CYP2R1: variants seen among roughly 807,000 people sequenced by gnomAD.
The protein encoded by CYP2R1 is vitamin D 25-hydroxylase.
In CYP2R1, 40 loss-of-function variants were observed where a neutral mutation model predicts 45.7. That is an observed-to-expected ratio of 0.87 (90% CI 0.68 to 1.14). The LOEUF is 1.14. Ranked by LOEUF, CYP2R1 falls within the 50% of genes most tolerant of loss-of-function variation. The pLI is 0.00. For synonymous variants in CYP2R1, 234 were observed against 219.3 expected, an observed-to-expected ratio of 1.07 and a Z score of -0.59; for missense variants, 605 against 602.6, an observed-to-expected ratio of 1.00 and a Z score of -0.04.
In CYP2R1 at chr11:14,880,591, A is replaced by G. The variant is rs782328761; in HGVS notation, c.545T>C (p.Leu182Ser). 6.2e-7 allele frequency: 1 copy of G among 1,613,148 alleles called. No homozygotes were observed. The highest frequency in any genetic ancestry group is 8.5e-7 in the Non-Finnish European group (1 of 1,179,480). The change falls in exon 3 of 5, where the codon TTA becomes TCA. Residue 182 changes from leucine to serine, a missense_variant. Leu to Ser is a moderately radical substitution (Grantham distance 145). Transcript: ENST00000334636. ...TATGTTTGAAACAGCATTCGTTATT[A>G]ACTGTTTAAAGTCAAAAGGTCTACC... is the stretch of plus-strand genomic sequence containing the variant. ...YKGRPFDFKQ[L>S]ITNAVSNITN... is the part of the protein sequence containing the mutation.
chr11:14,888,846 T>G (rs1848717710), intron 1 of CYP2R1, among the ~76,000 whole-genome samples: 1 of 152,210 alleles, frequency 6.6e-6, no homozygotes. Flanking sequence ...GGAATTATTT[T>G]ATTGTCCTGA....
chr11:14,891,837 G>A (rs1848870086), intron 1 of CYP2R1, 144 bp downstream of exon 1: 42 of 1,416,974 alleles, frequency 3.0e-5, no homozygotes, highest in Non-Finnish European at 3.9e-5. Flanking sequence ...GACCCGGGAA[G>A]CGGGTGTCCC....
chr11:14,880,426 A>C lies in CYP2R1; in HGVS notation c.710T>G (p.Ile237Ser). The change falls in exon 3 of 5, where the codon ATC becomes AGC. Residue 237 changes from isoleucine to serine, a missense_variant. Transcript: ENST00000334636. ...FLYNAFPWIGILPFGKHQQLF... is the reference protein window; with the variant it reads ...FLYNAFPWIGSLPFGKHQQLF... Reference sequence around the variant, plus strand: ...CTGTTGATGTTTTCCAAAAGGCAGGATGCCAATCCATGGAAAGGCATTATA... The same window carrying C: ...CTGTTGATGTTTTCCAAAAGGCAGGCTGCCAATCCATGGAAAGGCATTATA... 4 of 1,613,432 alleles carry C rather than the reference A, an allele frequency of 2.5e-6. No individual in the cohort carries two copies. Among genetic ancestry groups the C allele is most frequent in the Non-Finnish European group, 3.4e-6 (4 of 1,179,672 alleles).
Position 14,880,504 on chromosome 11 carries a change from A to G in CYP2R1, c.632T>C (p.Ile211Thr). ...TYEDTDFQHM[I>T]ELFSENVELA... ...TTCCACATTTTCACTAAATAACTCA[A>G]TCATGTGCTGAAAATCGGTGTCTTC... The change falls in exon 3 of 5, where the codon ATT becomes ACT. Residue 211 changes from isoleucine (I) to threonine (T), a missense_variant. Ile to Thr is a moderately conservative substitution (Grantham distance 89, BLOSUM62 -1). Transcript: ENST00000334636. 2.5e-6 allele frequency: 4 copies of G among 1,613,564 alleles called. No individual in the cohort carries two copies. Among genetic ancestry groups the G allele is most frequent in the South Asian group, 1.1e-5 (1 of 91,066 alleles).
At position 14,892,175 on chromosome 11, in the gene CYP2R1, C is replaced by T; in HGVS notation, c.31G>A (p.Ala11Thr). The change falls in exon 1 of 5, where the codon GCG (alanine) becomes ACG (threonine). Residue 11 changes from alanine to threonine, a missense_variant. Coordinates refer to ENST00000334636, the MANE Select transcript of CYP2R1 (RefSeq NM_024514.5). MWKLWRAEEG[A>T]AALGGALFLL... ...AAGAGCGCGCCGCCGAGCGCCGCCGCGCCCTCTTCAGCTCTCCAAAGCTTC... is the reference window on the plus strand; with the variant it reads ...AAGAGCGCGCCGCCGAGCGCCGCCGTGCCCTCTTCAGCTCTCCAAAGCTTC... 1 of 1,610,742 alleles carries T rather than the reference C, an allele frequency of 6.2e-7. No homozygotes were observed. Among genetic ancestry groups the T allele is most frequent in the African/African-American group, 1.3e-5 (1 of 75,008 alleles).
intron 2 of CYP2R1, among the ~76,000 whole-genome samples, chr11:14,883,358 A>G (rs1848469831): frequency 1.3e-5 from 2 of 152,192 alleles, no homozygotes; most frequent in South Asian, 4.1e-4. Flanking sequence ...GGAACAGAAC[A>G]GAGCCCTCAG....
chr11:14,888,542 C>A (rs1170568411), intron 1 of CYP2R1, among the ~76,000 whole-genome samples: 1 of 152,202 alleles, frequency 6.6e-6, no homozygotes, highest in Non-Finnish European at 1.5e-5. Context: ...CATACCAAGT[C>A]TTTAGGGACC....
intron 2 of CYP2R1, among the ~76,000 whole-genome samples, chr11:14,884,681 T>C (rs187859958): frequency 6.6e-6 from 1 of 151,756 alleles, no homozygotes; most frequent in Non-Finnish European, 1.5e-5. Context: ...TAAAGTATAA[T>C]AATAATTTAA....
chr11:14,888,415 G>C (rs1463438650), intron 1 of CYP2R1, among the ~76,000 whole-genome samples: 1 of 152,172 alleles, frequency 6.6e-6, no homozygotes, highest in Non-Finnish European at 1.5e-5. Context: ...GCTAATAACA[G>C]ACAAATGTGC....
chr11:14,891,224 G>A, intron 1 of CYP2R1: 1 of 985,222 alleles, frequency 1.0e-6, no homozygotes, highest in South Asian at 4.7e-5. Context: ...TCCGCAGAAT[G>A]AGGAGGAGCG....
Position 14,885,814 on chromosome 11 carries a change from GGTCT to G in CYP2R1, c.325_328del (p.Arg109HisfsTer7), listed in dbSNP as rs782141542. 6 of 1,613,110 alleles carry G rather than the reference GGTCT, an allele frequency of 3.7e-6. No homozygotes were observed. The highest frequency in any genetic ancestry group is 2.2e-5 in the East Asian group (1 of 44,870). On this transcript the variant is annotated frameshift_variant, in exon 2 of 5. Coordinates refer to ENST00000334636, the MANE Select transcript of CYP2R1 (RefSeq NM_024514.5). Reference sequence around the variant, plus strand: ...CATCTTCATGAATAAAGGAAGGCATGGTCTGTCTGCAAAAATTTCGCTTTGATGA... The same window carrying G: ...CATCTTCATGAATAAAGGAAGGCATGGTCTGCAAAAATTTCGCTTTGATGA...
chr11:14,879,398 TTC>T lies in CYP2R1; in HGVS notation c.1044_1045del (p.Lys349AlafsTer13). 1 of 1,607,764 alleles carries T rather than the reference TTC, an allele frequency of 6.2e-7. No individual in the cohort carries two copies. The highest frequency in any genetic ancestry group is 8.5e-7 in the Non-Finnish European group (1 of 1,179,410). ...TTTGCATTTGTCGTCCCAAGAAGGCTTCCCATTAGGGCCCATAATTAAATCAA... is the reference window on the plus strand; with the variant it reads ...TTTGCATTTGTCGTCCCAAGAAGGCTCCATTAGGGCCCATAATTAAATCAA... On this transcript the variant is annotated frameshift_variant, in exon 4 of 5. Transcript: ENST00000334636. LOFTEE classifies it high-confidence loss of function.
chr11:14,878,367 TGGATGTCATTCA>T, intron 4 of CYP2R1, 70 bp from the exon 5 acceptor site: 2 of 1,406,782 alleles, frequency 1.4e-6, no homozygotes, highest in Non-Finnish European at 2.0e-6. Flanking sequence ...GTCTAATATT[TGGATGTCATTCA>T]GGAAATCTGG....
chr11:14,877,978 C>A lies in CYP2R1; in HGVS notation c.*144G>T. The A allele has an allele frequency of 1.3e-6, 1 of 794,680 alleles. No individual in the cohort carries two copies. The highest frequency in any genetic ancestry group is 2.0e-6 in the Non-Finnish European group (1 of 492,388). 49.2% of individuals were successfully genotyped at this position (794,680 alleles called of 1,614,324 possible). On this transcript the variant is annotated 3_prime_UTR_variant, in exon 5 of 5. Transcript: ENST00000334636. The stretch of plus-strand genomic sequence containing the variant: ...ATCACGACTAGTGCTTGTTTCTGCT[C>A]TAGTACTATTTTAAGACACATCTGT...
chr11:14,878,989 C>T, intron 4 of CYP2R1, 125 bp downstream of exon 4: 1 of 780,944 alleles, frequency 1.3e-6, no homozygotes. Context: ...CTGTTAGAAT[C>T]AGTTCTGTGT....
chr11:14,892,036 G>C lies in CYP2R1; in HGVS notation c.170C>G (p.Ala57Gly). 1 of 1,613,226 alleles carries C rather than the reference G, an allele frequency of 6.2e-7. No homozygotes were observed. The change falls in exon 1 of 5, where the codon GCC (alanine) becomes GGC (glycine). Residue 57 changes from alanine to glycine, a missense_variant. Transcript: ENST00000334636. ...GTAGACATGGGGAAGCTCGGATGAG[G>C]CTGCCAGGGAATAGATGTTGCCGAT... The part of the protein sequence containing the change: ...PFIGNIYSLA[A>G]SSELPHVYMR...
intron 2 of CYP2R1, among the ~76,000 whole-genome samples, chr11:14,882,194 G>T (rs1271976443): frequency 2.0e-5 from 3 of 152,090 alleles, no homozygotes; most frequent in Non-Finnish European, 2.9e-5. Flanking sequence ...TGTCAGGAAT[G>T]TATCAGGGAA....
At position 14,880,659 on chromosome 11, in the gene CYP2R1, C is replaced by G. The variant is rs782528876; in HGVS notation, c.477G>C (p.Leu159Phe). Residue 159 changes from leucine to phenylalanine, a missense_variant, in exon 3 of 5, where the codon TTG becomes TTC. Physicochemically the swap from Leu to Phe is conservative, Grantham distance 22. Transcript: ENST00000334636. ...CATCATTGAAAAATTTGGTTTCTTC[C>G]AAGATTTTAGATTCAAAAGACTTTT... ...YGQKSFESKI[L>F]EETKFFNDAI... The G allele has an allele frequency of 6.3e-7, 1 of 1,597,600 alleles. No individual in the cohort carries two copies. The highest frequency in any genetic ancestry group is 2.2e-5 in the East Asian group (1 of 44,744).
intron 1 of CYP2R1, 184 bp downstream of exon 1, chr11:14,891,797 G>C (rs371690496): frequency 7.1e-7 from 1 of 1,411,748 alleles, no homozygotes; most frequent in East Asian, 2.7e-5. Context: ...CCCTGCAAGG[G>C]GGCACGGCGT....
Sources: allele counts gnomAD v4.1 joint callset (sites outside exome capture counted in the v4.1 genomes callset), GRCh38; gene constraint gnomAD v4.1.1; transcripts MANE v1.5; gene names NCBI Gene and HGNC (gene_info 2026-07-23, HGNC 2026-07-21).